ABI3BP: variants seen among roughly 807,000 people sequenced by gnomAD.
ABI3BP encodes the protein ABI family member 3 binding protein.
In ABI3BP, 216 loss-of-function variants were observed where a neutral mutation model predicts 268.6. The ratio of observed to expected loss-of-function variants is 0.80; its 90% confidence interval spans 0.72 to 0.90. The LOEUF (loss-of-function observed/expected upper bound fraction) is 0.90, where lower values mean the gene tolerates loss of function less well. Among genes scored for constraint, ABI3BP ranks in the 40% least tolerant of loss-of-function variants. The pLI is 0.00. For missense variants in ABI3BP, 2,090 were observed against 2,182.4 expected (o/e 0.96, Z 0.84); for synonymous variants, 730 against 730.0 (o/e 1.00, Z 0.00).
At position 100,753,802 on chromosome 3, in the gene ABI3BP, T is replaced by C. The variant is rs564738955; in HGVS notation, c.4960+17A>G. On this transcript the variant is annotated intron_variant, in intron 65 of 67. Transcript: ENST00000471714. ...TAGAAAAGCATGTAGTTGTGCCTCATTGAGACAGGTACTTACCAGAAACTG... is the reference window on the plus strand; with the variant it reads ...TAGAAAAGCATGTAGTTGTGCCTCACTGAGACAGGTACTTACCAGAAACTG... The C allele has an allele frequency of 6.4e-4, 1,037 of 1,610,508 alleles. 16 individuals are homozygous for C. The South Asian group carries it at 0.011, about 17-fold the overall frequency.
chr3:100,786,735 A>T (rs946973457), intron 57 of ABI3BP, among the ~76,000 whole-genome samples: 1 of 152,162 alleles, frequency 6.6e-6, no homozygotes, highest in Non-Finnish European at 1.5e-5. Flanking sequence ...ATCTAATCCC[A>T]CAGTTGGGCA....
rs191349192 is a variant in ABI3BP at position 100,992,297 on chromosome 3, A to G, written c.79+1009T>C. Among the ~76,000 whole-genome samples the G allele has an allele frequency of 7.1e-4, 108 of 152,268 alleles. No individual in the cohort carries two copies. The East Asian group carries it at 0.019, about 27-fold the overall frequency. ...GAAAGAACAGTTTTCACTTGGGACA[A>G]GATGATCCTGGGGCAGACTACCCAG... On this transcript the variant is annotated intron_variant, in intron 1 of 67. Transcript: ENST00000471714.
chr3:100,951,271 C>T (rs2074866140), intron 1 of ABI3BP, among the ~76,000 whole-genome samples: 1 of 151,824 alleles, frequency 6.6e-6, no homozygotes, highest in Admixed American at 6.6e-5. Flanking sequence ...CCCCACCTCC[C>T]CCTACATCTT....
chr3:100,983,322 A>G (rs534560413), intron 1 of ABI3BP, among the ~76,000 whole-genome samples: 1 of 152,342 alleles, frequency 6.6e-6, no homozygotes, highest in South Asian at 2.1e-4. Context: ...TCCTTAACAT[A>G]AAATACAAAA....
intron 43 of ABI3BP, 46 bp from the exon 44 acceptor site, chr3:100,816,017 T>G: frequency 7.3e-7 from 1 of 1,362,308 alleles, no homozygotes; most frequent in South Asian, 1.4e-5. Flanking sequence ...TAAAGACTTT[T>G]TAAAAAAAAT....
chr3:100,888,421 T>C (rs2042966774), intron 4 of ABI3BP, among the ~76,000 whole-genome samples: 1 of 152,078 alleles, frequency 6.6e-6, no homozygotes, highest in African/African-American at 2.4e-5. Context: ...TCAGACCAGA[T>C]GGGCCAACAA....
At chr3:100,899,985 T>G (rs2049470320) in intron 3 of ABI3BP, among the ~76,000 whole-genome samples, 1 of 152,176 alleles carries the variant, frequency 6.6e-6, no homozygotes, top group Non-Finnish European at 1.5e-5. Context: ...TGTGTCAAGC[T>G]TGTTCCTTTT....
At chr3:100,840,742 T>C (rs2098682857) in intron 22 of ABI3BP, 78 bp downstream of exon 22, 23 of 1,279,508 alleles carry the variant, frequency 1.8e-5, no homozygotes, top group Non-Finnish European at 2.4e-5. Flanking sequence ...TATTAATTCA[T>C]TAATGTGAGT....
At chr3:100,771,094 TA>T (rs1276034506) in intron 61 of ABI3BP, 142 bp from the exon 62 acceptor site, 1 of 704,430 alleles carries the variant, frequency 1.4e-6, no homozygotes, top group Non-Finnish European at 2.1e-6. Flanking sequence ...TGGTTCAAAC[TA>T]GGAAAATTCA....
chr3:100,803,225 T>C (rs1396657425), intron 51 of ABI3BP, among the ~76,000 whole-genome samples: 1 of 145,608 alleles, frequency 6.9e-6, no homozygotes, highest in Non-Finnish European at 1.6e-5. Context: ...AAAGAATAAA[T>C]AGGGATAGTT....
chr3:100,951,198 G>C (rs2074833678), intron 1 of ABI3BP, among the ~76,000 whole-genome samples: 1 of 151,826 alleles, frequency 6.6e-6, no homozygotes, highest in South Asian at 2.1e-4. Flanking sequence ...TAGCATTGCA[G>C]ACCTCTGACC....
chr3:100,838,504 G>T (rs951889398), intron 24 of ABI3BP, 40 bp from the exon 25 acceptor site: 18 of 1,446,962 alleles, frequency 1.2e-5, no homozygotes, highest in Non-Finnish European at 9.4e-7. Context: ...ATGGGTCATG[G>T]CTGTGACTGT....
intron 51 of ABI3BP, among the ~76,000 whole-genome samples, chr3:100,800,725 C>T (rs1010787931): frequency 3.3e-5 from 5 of 152,132 alleles, no homozygotes; most frequent in African/African-American, 9.7e-5. Flanking sequence ...GTGATCCTCC[C>T]GCCTCAGCCT....
intron 1 of ABI3BP, among the ~76,000 whole-genome samples, chr3:100,966,262 T>A (rs1021367955): frequency 6.6e-6 from 1 of 152,242 alleles, no homozygotes. Flanking sequence ...TTTCTCTAAT[T>A]TGATCATCTA....
At chr3:100,872,496 T>A (rs1224012489) in intron 9 of ABI3BP, among the ~76,000 whole-genome samples, 1 of 152,216 alleles carries the variant, frequency 6.6e-6, no homozygotes, top group Non-Finnish European at 1.5e-5. Flanking sequence ...AGCCGTGGTC[T>A]GAGAAACAAC....
At chr3:100,974,333 T>C (rs1260412041) in intron 1 of ABI3BP, among the ~76,000 whole-genome samples, 1 of 152,240 alleles carries the variant, frequency 6.6e-6, no homozygotes, top group Admixed American at 6.5e-5. Context: ...TTTATTCATA[T>C]TGGCCCCAAA....
At chr3:100,807,278 TATTC>T (rs1235798142) in intron 50 of ABI3BP, among the ~76,000 whole-genome samples, 1 of 151,942 alleles carries the variant, frequency 6.6e-6, no homozygotes, top group Non-Finnish European at 1.5e-5. Context: ...TTTTTATTCC[TATTC>T]ATTATTATTC....
chr3:100,908,482 G>A (rs2054608657), intron 2 of ABI3BP, among the ~76,000 whole-genome samples: 1 of 151,800 alleles, frequency 6.6e-6, no homozygotes, highest in South Asian at 2.1e-4. Context: ...GGATGTGAAG[G>A]GCTTCTTCAA....
intron 29 of ABI3BP, among the ~76,000 whole-genome samples, chr3:100,833,852 C>T (rs376269223): frequency 1.3e-5 from 2 of 152,286 alleles, no homozygotes; most frequent in South Asian, 2.1e-4. Context: ...AAGAACTTTG[C>T]CTTTCTTACA....
Sources: allele counts gnomAD v4.1 joint callset (sites outside exome capture counted in the v4.1 genomes callset), GRCh38; gene constraint gnomAD v4.1.1; transcripts MANE v1.5; gene names NCBI Gene and HGNC (gene_info 2026-07-23, HGNC 2026-07-21).